Variants in SLC25A48 observed in about 807,000 individuals in gnomAD.
SLC25A48 encodes the protein solute carrier family 25 member 48, also known as CTC-321K16.1.
Under a neutral mutation model 32.2 loss-of-function variants are expected in SLC25A48, and 29 were observed. That is an observed-to-expected ratio of 0.90 (90% CI 0.67 to 1.23). The LOEUF is 1.23. Ranked by LOEUF, SLC25A48 falls within the 50% of genes most tolerant of loss-of-function variation. The probability of loss-of-function intolerance (pLI) is 0.00; values close to 1 mark genes in which losing one functional copy is unlikely to be tolerated. For missense variants in SLC25A48, 399 were observed against 422.7 expected (o/e 0.94, Z 0.49); for synonymous variants, 164 against 172.3 (o/e 0.95, Z 0.38).
chr5:135,670,964 G>A lies in SLC25A48; in HGVS notation c.-521+36008G>A, dbSNP rs540801948. Among the ~76,000 whole-genome samples, 5 of 152,304 alleles carry A rather than the reference G, an allele frequency of 3.3e-5. No homozygotes were observed. In the South Asian group the frequency reaches 1.0e-3, roughly 32 times the overall value. ...CAGAAAGGGAGTTTTATGAAGCGATGCCTAAATAAATGATTAATCCCTGGT... is the reference window on the plus strand; with the variant it reads ...CAGAAAGGGAGTTTTATGAAGCGATACCTAAATAAATGATTAATCCCTGGT... On this transcript the variant is annotated intron_variant, in intron 3 of 10. Coordinates refer to the SLC25A48 transcript ENST00000646290.
chr5:135,876,870 G>T (rs1359487057), intron 6 of SLC25A48, among the ~76,000 whole-genome samples: 1 of 152,174 alleles, frequency 6.6e-6, no homozygotes, highest in East Asian at 1.9e-4. Flanking sequence ...CCCAGGGGTG[G>T]CTCCAGTTCC....
At chr5:135,836,389 GGTAA>G (rs1232258937) in intron 1 of SLC25A48, among the ~76,000 whole-genome samples, 11 of 149,812 alleles carry the variant, frequency 7.3e-5, no homozygotes, top group African/African-American at 2.7e-4. Context: ...ATGAAATGAT[GGTAA>G]GTGTTTACTA....
chr5:135,596,236 T>C (rs930609447), intron 1 of SLC25A48, among the ~76,000 whole-genome samples: 2 of 152,212 alleles, frequency 1.3e-5, no homozygotes, highest in African/African-American at 4.8e-5. Context: ...AGGGGTGTTT[T>C]TTCAGAATAT....
chr5:135,863,213 C>T (rs1256675892), intron 4 of SLC25A48, among the ~76,000 whole-genome samples: 1 of 152,182 alleles, frequency 6.6e-6, no homozygotes, highest in Non-Finnish European at 1.5e-5. Context: ...GAACCCCCCA[C>T]ACAGGGAATT....
At position 135,589,881 on chromosome 5, in the gene SLC25A48, A is replaced by G. The variant is rs1268288884; in HGVS notation, c.-849+10284A>G. The stretch of plus-strand genomic sequence containing the variant: ...AGGTAATTTTTTGTATTTTTAGTAG[A>G]AACAGGGTTTCACCAAGTTGCCCAA... On this transcript the variant is annotated intron_variant, in intron 1 of 10. Transcript: ENST00000646290. Among the ~76,000 whole-genome samples the G allele has an allele frequency of 2.0e-5, 3 of 152,186 alleles. No individual in the cohort carries two copies. The East Asian group carries it at 5.8e-4, about 29-fold the overall frequency.
intron 4 of SLC25A48, among the ~76,000 whole-genome samples, chr5:135,867,338 C>G (rs368774678): frequency 5.3e-5 from 8 of 152,274 alleles, no homozygotes; most frequent in African/African-American, 1.7e-4. Context: ...GTCCAGAGAT[C>G]TCAGTTGTGC....
chr5:135,763,510 C>G (rs986206027), intron 3 of SLC25A48, among the ~76,000 whole-genome samples: 1 of 151,926 alleles, frequency 6.6e-6, no homozygotes, highest in Non-Finnish European at 1.5e-5. Context: ...ATCCCACAAG[C>G]GCTGGAGGCA....
intron 1 of SLC25A48, among the ~76,000 whole-genome samples, chr5:135,590,652 G>A (rs1263341599): frequency 4.6e-5 from 7 of 152,158 alleles, no homozygotes; most frequent in Admixed American, 2.6e-4. Context: ...AAGCTTGAAC[G>A]TTTCCAGGGC....
At chr5:135,682,561 G>T (rs1455835559) in intron 3 of SLC25A48, among the ~76,000 whole-genome samples, 4 of 152,184 alleles carry the variant, frequency 2.6e-5, no homozygotes, top group Non-Finnish European at 5.9e-5. Context: ...AGGATGTAAA[G>T]AGAATTAACT....
At chr5:135,880,682 CA>C (rs1201001087) in intron 7 of SLC25A48, among the ~76,000 whole-genome samples, 2 of 152,198 alleles carry the variant, frequency 1.3e-5, no homozygotes, top group African/African-American at 2.4e-5. Flanking sequence ...CTTGGCTCCC[CA>C]TTGCCCTCTA....
intron 1 of SLC25A48, among the ~76,000 whole-genome samples, chr5:135,627,584 T>C (rs1752466215): frequency 6.6e-6 from 1 of 151,854 alleles, no homozygotes; most frequent in African/African-American, 2.4e-5. Flanking sequence ...ATTAAAGTAC[T>C]TCATGGTTTT....
intron 4 of SLC25A48, among the ~76,000 whole-genome samples, chr5:135,866,519 C>T (rs976003536): frequency 2.0e-5 from 3 of 152,172 alleles, no homozygotes; most frequent in African/African-American, 4.8e-5. Context: ...CCAGCTCAGC[C>T]CTTCTGAAGT....
chr5:135,620,033 C>T (rs1005036083), intron 1 of SLC25A48, among the ~76,000 whole-genome samples: 1 of 152,148 alleles, frequency 6.6e-6, no homozygotes, highest in Non-Finnish European at 1.5e-5. Flanking sequence ...GGTAGGTGGG[C>T]TCTTGTGCCC....
At position 135,878,088 on chromosome 5, in the gene SLC25A48, TGGA is replaced by T. The variant is rs1351015705; in HGVS notation, c.814-1877_814-1875del. 8.5e-5 allele frequency among the ~76,000 whole-genome samples: 13 copies of T among 152,304 alleles called. No individual in the cohort carries two copies. In the East Asian group the frequency reaches 2.3e-3, roughly 27 times the overall value. On this transcript the variant is annotated intron_variant, in intron 6 of 7. Transcript: ENST00000681962. Reference sequence around the variant, plus strand: ...GGTGGGAGTGAGGGGGGACTCGGTCTGGAGGTCATATGCTCTGAAAGCTCTGGG... The same window carrying T: ...GGTGGGAGTGAGGGGGGACTCGGTCTGGTCATATGCTCTGAAAGCTCTGGG...
intron 4 of SLC25A48, among the ~76,000 whole-genome samples, chr5:135,860,546 A>G (rs1760694030): frequency 6.6e-6 from 1 of 152,196 alleles, no homozygotes. Flanking sequence ...TTTTAAGAGA[A>G]GGCAAAAAGG....
chr5:135,668,262 G>T (rs1381243028), intron 3 of SLC25A48, among the ~76,000 whole-genome samples: 2 of 152,186 alleles, frequency 1.3e-5, no homozygotes, highest in African/African-American at 4.8e-5. Context: ...TATAAGCTGA[G>T]AAGTTTAAGA....
intron 3 of SLC25A48, among the ~76,000 whole-genome samples, chr5:135,791,265 TAC>T (rs1757024975): frequency 6.6e-6 from 1 of 151,924 alleles, no homozygotes; most frequent in African/African-American, 2.4e-5. Flanking sequence ...ACAGTTTGTG[TAC>T]ACTCTGTGAT....
intron 3 of SLC25A48, among the ~76,000 whole-genome samples, chr5:135,809,660 C>T (rs939798897): frequency 6.6e-6 from 1 of 152,214 alleles, no homozygotes; most frequent in African/African-American, 2.4e-5. Context: ...CCTCTGGCCC[C>T]TGGCAACCAC....
At chr5:135,601,448 G>C (rs1240317273) in intron 1 of SLC25A48, among the ~76,000 whole-genome samples, 1 of 152,102 alleles carries the variant, frequency 6.6e-6, no homozygotes, top group Admixed American at 6.5e-5. Flanking sequence ...GAACCTTCCA[G>C]GGAAATATTC....
Sources: allele counts gnomAD v4.1 joint callset (sites outside exome capture counted in the v4.1 genomes callset), GRCh38; gene constraint gnomAD v4.1.1; transcripts MANE v1.5; gene names NCBI Gene and HGNC (gene_info 2026-07-23, HGNC 2026-07-21).